Variants in KCND2 observed in about 807,000 individuals in gnomAD.
KCND2 encodes potassium voltage-gated channel subfamily D member 2.
A neutral mutation model predicts 54.4 loss-of-function variants in KCND2; 16 were observed. That is an observed-to-expected ratio of 0.29 (90% CI 0.20 to 0.45). The LOEUF (loss-of-function observed/expected upper bound fraction) is 0.45, where lower values mean the gene tolerates loss of function less well. KCND2 is among the 20% of genes least tolerant of loss of function. KCND2 has a pLI of 1.00. For synonymous variants in KCND2, 317 were observed against 310.7 expected (o/e 1.02, Z -0.21); for missense variants, 486 against 824.2 (o/e 0.59, Z 5.02).
chr7:120,430,973 T>C (rs918622575), intron 1 of KCND2, among the ~76,000 whole-genome samples: 12 of 152,224 alleles, frequency 7.9e-5, no homozygotes, highest in Non-Finnish European at 1.5e-4. Flanking sequence ...GTGGCAAATA[T>C]CAATAAATAT....
chr7:120,309,155 A>G (rs991584026), intron 1 of KCND2, among the ~76,000 whole-genome samples: 12 of 152,090 alleles, frequency 7.9e-5, no homozygotes, highest in African/African-American at 2.9e-4. Flanking sequence ...TGAGTGGGTA[A>G]TGACTTAAAG....
chr7:120,530,280 A>T (rs1163121152), intron 1 of KCND2, among the ~76,000 whole-genome samples: 1 of 152,162 alleles, frequency 6.6e-6, no homozygotes, highest in African/African-American at 2.4e-5. Flanking sequence ...ATCTCATGTA[A>T]CTCATAAATA....
At position 120,650,919 on chromosome 7, in the gene KCND2, G is replaced by T. The variant is rs568417137; in HGVS notation, c.1116-81984G>T. Among the ~76,000 whole-genome samples the T allele has an allele frequency of 4.9e-5, 7 of 143,606 alleles. 1 individual carries two copies. Among genetic ancestry groups the T allele is most frequent in the Admixed American group, 2.7e-4 (4 of 14,820 alleles). 94.2% of individuals were successfully genotyped at this position (143,606 alleles called of 152,430 possible). On this transcript the variant is annotated intron_variant, in intron 1 of 5. Coordinates refer to ENST00000331113, the MANE Select transcript of KCND2 (RefSeq NM_012281.3). ...TGCCTGGGTATCAGCAGCAGAGGCT[G>T]CAGAACAGCAAATATTGCTGAACAG...
chr7:120,667,783 A>G (rs1194009284), intron 1 of KCND2, among the ~76,000 whole-genome samples: 2 of 152,102 alleles, frequency 1.3e-5, no homozygotes, highest in East Asian at 1.9e-4. Flanking sequence ...GAGCTGCAGA[A>G]GGAGAGTAAA....
At chr7:120,375,526 A>G (rs766187672) in intron 1 of KCND2, among the ~76,000 whole-genome samples, 1 of 151,858 alleles carries the variant, frequency 6.6e-6, no homozygotes, top group Non-Finnish European at 1.5e-5. Context: ...AATATGCTGC[A>G]TGAGTTTATA....
At chr7:120,690,698 T>C (rs1388640930) in intron 1 of KCND2, among the ~76,000 whole-genome samples, 1 of 152,198 alleles carries the variant, frequency 6.6e-6, no homozygotes, top group Non-Finnish European at 1.5e-5. Flanking sequence ...ATCACATTGA[T>C]CATATTGATA....
At chr7:120,542,872 T>G (rs188909964) in intron 1 of KCND2, among the ~76,000 whole-genome samples, 20 of 152,266 alleles carry the variant, frequency 1.3e-4, no homozygotes, top group Admixed American at 1.2e-3. Flanking sequence ...TCAGGCAATG[T>G]AATAAATAGT....
intron 1 of KCND2, among the ~76,000 whole-genome samples, chr7:120,293,745 C>T (rs546570458): frequency 6.6e-6 from 1 of 151,998 alleles, no homozygotes; most frequent in South Asian, 2.1e-4. Context: ...TATTAATCTA[C>T]AACGTGTTAC....
chr7:120,353,861 A>T lies in KCND2; in HGVS notation c.1115+78114A>T, dbSNP rs192999243. Reference sequence around the variant, plus strand: ...AAAGGTGCCTTAGACAATTGAAAGCAGTGGTACAAAACTGTTCTATTCTTC... The same window carrying T: ...AAAGGTGCCTTAGACAATTGAAAGCTGTGGTACAAAACTGTTCTATTCTTC... On this transcript the variant is annotated intron_variant, in intron 1 of 5. Coordinates refer to ENST00000331113, the MANE Select transcript of KCND2 (RefSeq NM_012281.3). Among the ~76,000 whole-genome samples, 7 of 152,348 alleles carry T rather than the reference A, an allele frequency of 4.6e-5. No homozygotes were observed. The East Asian group carries it at 1.3e-3, about 29-fold the overall frequency.
At chr7:120,545,675 G>C (rs1481984342) in intron 1 of KCND2, among the ~76,000 whole-genome samples, 1 of 151,766 alleles carries the variant, frequency 6.6e-6, no homozygotes, top group Non-Finnish European at 1.5e-5. Context: ...GCAGATAGCA[G>C]GTCAGCCAGC....
intron 1 of KCND2, among the ~76,000 whole-genome samples, chr7:120,303,435 C>G (rs907530175): frequency 6.6e-6 from 1 of 152,126 alleles, no homozygotes; most frequent in Admixed American, 6.6e-5. Context: ...AAGATAAAAT[C>G]ATTAAATACC....
chr7:120,615,496 A>C (rs563984355), intron 1 of KCND2, among the ~76,000 whole-genome samples: 1 of 152,296 alleles, frequency 6.6e-6, no homozygotes, highest in Non-Finnish European at 1.5e-5. Flanking sequence ...AATGGCAAGA[A>C]ACATTCTTCA....
intron 1 of KCND2, among the ~76,000 whole-genome samples, chr7:120,689,801 C>T (rs1708532674): frequency 6.6e-6 from 1 of 152,154 alleles, no homozygotes; most frequent in East Asian, 1.9e-4. Flanking sequence ...GAAATGAGGG[C>T]AAAGACTAAA....
intron 1 of KCND2, among the ~76,000 whole-genome samples, chr7:120,577,584 T>TTTTGG (rs1232910453): frequency 6.6e-6 from 1 of 152,056 alleles, no homozygotes; most frequent in African/African-American, 2.4e-5. Flanking sequence ...AACCGTATTT[T>TTTTGG]TTTGGTTTTG....
chr7:120,457,340 C>T (rs1462287758), intron 1 of KCND2, among the ~76,000 whole-genome samples: 2 of 152,214 alleles, frequency 1.3e-5, no homozygotes, highest in African/African-American at 2.4e-5. Flanking sequence ...TTCTTTTCCA[C>T]TGCATCATCA....
rs141615115 is a variant in KCND2, at chr7:120,326,177, T to C, written c.1115+50430T>C. Among the ~76,000 whole-genome samples, 78 of 152,188 alleles carry C rather than the reference T, an allele frequency of 5.1e-4. 2 individuals carry two copies. In the East Asian group the frequency reaches 0.014, roughly 26 times the overall value. ...GTTTGTATATTAAATATGCACTTGATTGGGGAGGACTAATGACGAATGTAC... is the reference window on the plus strand; with the variant it reads ...GTTTGTATATTAAATATGCACTTGACTGGGGAGGACTAATGACGAATGTAC... On this transcript the variant is annotated intron_variant, in intron 1 of 5. Coordinates refer to ENST00000331113, the MANE Select transcript of KCND2 (RefSeq NM_012281.3).
intron 1 of KCND2, among the ~76,000 whole-genome samples, chr7:120,673,477 G>T (rs1792018934): frequency 6.6e-6 from 1 of 151,994 alleles, no homozygotes; most frequent in African/African-American, 2.4e-5. Context: ...GTTATCATTG[G>T]TACATTCAGT....
chr7:120,529,030 T>C (rs561182443), intron 1 of KCND2, among the ~76,000 whole-genome samples: 10 of 152,350 alleles, frequency 6.6e-5, no homozygotes, highest in Admixed American at 5.2e-4. Flanking sequence ...CTCTGCTTAA[T>C]ATTTTTCCTC....
chr7:120,372,713 A>G (rs1800781182), intron 1 of KCND2, among the ~76,000 whole-genome samples: 1 of 151,916 alleles, frequency 6.6e-6, no homozygotes, highest in Non-Finnish European at 1.5e-5. Context: ...TCACACAAAT[A>G]ATCAAAACTG....
Sources: gnomAD v4.1 joint callset for allele counts (sites outside exome capture counted in the v4.1 genomes callset) on GRCh38, gnomAD v4.1.1 for gene constraint, MANE v1.5 for transcripts, NCBI Gene and HGNC (gene_info 2026-07-23, HGNC 2026-07-21) for gene names.